IGHMBP2: variants seen among roughly 807,000 people sequenced by gnomAD.
IGHMBP2 encodes DNA-binding protein SMUBP-2.
IGHMBP2 carries 81 observed loss-of-function variants against 96.0 expected under a neutral mutation model. The ratio of observed to expected loss-of-function variants is 0.84; its 90% CI spans 0.71 to 1.01. The LOEUF is 1.01. Ranked by LOEUF, IGHMBP2 falls within the 50% of genes least tolerant of loss-of-function variation. IGHMBP2 has a pLI of 0.00. For missense variants in IGHMBP2, 1,227 were observed against 1,306.3 expected, an observed-to-expected ratio of 0.94 and a Z score of 0.94; for synonymous variants, 557 against 548.9, an observed-to-expected ratio of 1.01 and a Z score of -0.21.
chr11:68,939,576 A>T lies in IGHMBP2; in HGVS notation c.2827A>T (p.Arg943Ter), dbSNP rs1859672389. ...GAGGGCTCGCGCCCATGCCCGGCAGAGAATCAGCCGGGAAGGGGTCCTCTA... is the reference window on the plus strand; with the variant it reads ...GAGGGCTCGCGCCCATGCCCGGCAGTGAATCAGCCGGGAAGGGGTCCTCTA... Reference protein sequence around the residue: ...GERARAHARQRISREGVLYAG... With the variant: ...GERARAHARQ The change falls in exon 15 of 15, where the codon AGA becomes TGA. Residue 943 changes from arginine (R) to a stop codon, truncating the protein, a stop_gained. Coordinates refer to ENST00000255078, the MANE Select transcript of IGHMBP2 (RefSeq NM_002180.3). LOFTEE classifies it high-confidence loss of function. 2.5e-6 allele frequency: 4 copies of T among 1,612,928 alleles called. No individual in the cohort carries two copies. The South Asian group carries it at 4.4e-5, about 18-fold the overall frequency.
chr11:68,921,747 C>G (rs1334931434), intron 7 of IGHMBP2, among the ~76,000 whole-genome samples: 3 of 152,132 alleles, frequency 2.0e-5, no homozygotes, highest in African/African-American at 7.2e-5. Context: ...TCGTGTATTT[C>G]CACGTGGCAT....
In IGHMBP2 at chr11:68,937,784, C is replaced by A. The variant is rs1012430436; in HGVS notation, c.2612-398C>A. ...TTCCTGAAGCGAAGCTACACCAGCA[C>A]ATGGGTGGCTTTGAAAGGGGCCTCC... On this transcript the variant is annotated intron_variant, in intron 13 of 14. Transcript: ENST00000255078. The A allele has an allele frequency of 3.5e-5, 9 of 259,168 alleles. No individual in the cohort carries two copies. In the South Asian group the frequency reaches 4.3e-4, roughly 12 times the overall value. The allele number at this position is 259,168 out of a possible 1,614,324, so 16.1% of individuals were successfully genotyped here. A position where few individuals can be genotyped will look rare whatever the true frequency, so the allele number is the denominator to read the frequency against.
At position 68,903,975 on chromosome 11, in the gene IGHMBP2, G is replaced by A; in HGVS notation, c.23G>A (p.Ser8Asn). 1.3e-6 allele frequency: 2 copies of A among 1,556,664 alleles called. No homozygotes were observed. The highest frequency in any genetic ancestry group is 8.7e-7 in the Non-Finnish European group (1 of 1,150,338). MASAAVE[S>N]FVTKQLDLLE... is the part of the protein sequence containing the mutation. The stretch of plus-strand genomic sequence containing the variant: ...GCGATGGCCTCGGCAGCTGTGGAGA[G>A]CTTCGTGACCAAGCAACTGGACCTG... The change falls in exon 1 of 15, where the codon AGC (serine) becomes AAC (asparagine). Residue 8 changes from serine (S) to asparagine (N), a missense_variant. Around this residue, in one of 3 missense-constraint regions of IGHMBP2, gnomAD observed 507 missense variants for 496.9 expected, o/e 1.02. Coordinates refer to ENST00000255078, the MANE Select transcript of IGHMBP2 (RefSeq NM_002180.3).
chr11:68,936,231 T>C lies in IGHMBP2; in HGVS notation c.1757-6T>C, dbSNP rs1594455341. The C allele has an allele frequency of 3.7e-6, 6 of 1,613,786 alleles. No homozygotes were observed. The highest frequency in any genetic ancestry group is 5.1e-6 in the Non-Finnish European group (6 of 1,179,996). ...CTGCTTCTCACTCCCCTCTGGCCTT[T>C]TGTAGGTGAAGTTGGTTTTCTTGCT... On this transcript the variant is annotated splice_polypyrimidine_tract_variant and splice_region_variant and intron_variant, in intron 12 of 14. Coordinates refer to ENST00000255078, the MANE Select transcript of IGHMBP2 (RefSeq NM_002180.3).
intron 1 of IGHMBP2, 80 bp downstream of exon 1, chr11:68,904,118 A>G (rs1006001535): frequency 4.2e-5 from 51 of 1,206,090 alleles, no homozygotes; most frequent in Non-Finnish European, 1.4e-5. Context: ...GCTCGGCCTC[A>G]TAGTCTGGGG....
rs1013379197 is a variant in IGHMBP2 at position 68,939,450 on chromosome 11, C to G, written c.2785-84C>G. 7 of 1,454,996 alleles carry G rather than the reference C, an allele frequency of 4.8e-6. No homozygotes were observed. In the East Asian group the frequency reaches 1.6e-4, roughly 33 times the overall value. 90.1% of individuals were successfully genotyped at this position (1,454,996 alleles called of 1,614,324 possible). A position where few individuals can be genotyped will look rare whatever the true frequency, so the allele number is the denominator to read the frequency against. On this transcript the variant is annotated intron_variant, in intron 14 of 14. Coordinates refer to ENST00000255078, the MANE Select transcript of IGHMBP2 (RefSeq NM_002180.3). ...GCCTTCTCTGTTGGGGCGCCTGTGG[C>G]CCCCCAGCTCTTTGATAGGCAGAGC... is the stretch of plus-strand genomic sequence containing the variant.
chr11:68,915,100 C>T lies in IGHMBP2; in HGVS notation c.912+77C>T. ...CTTTTTAAGGAGCAAATTTATCTGT[C>T]TGCATTCCTCTTGACCTTCTCTTGC... On this transcript the variant is annotated intron_variant, in intron 6 of 14. Coordinates refer to ENST00000255078, the MANE Select transcript of IGHMBP2 (RefSeq NM_002180.3). 4 of 1,106,180 alleles carry T rather than the reference C, an allele frequency of 3.6e-6. No homozygotes were observed. In the South Asian group the frequency reaches 3.8e-5, roughly 10 times the overall value. The allele number at this position is 1,106,180 out of a possible 1,614,324, so 68.5% of individuals were successfully genotyped here.
intron 12 of IGHMBP2, 74 bp from the exon 13 acceptor site, chr11:68,936,163 T>A: frequency 1.3e-6 from 2 of 1,561,102 alleles, no homozygotes; most frequent in Non-Finnish European, 1.8e-6. Flanking sequence ...TGGTGGTTAC[T>A]GATAAGGGCG....
chr11:68,934,051 A>G (rs1454729320), intron 10 of IGHMBP2, 138 bp downstream of exon 10: 13 of 725,270 alleles, frequency 1.8e-5, no homozygotes, highest in South Asian at 1.1e-4. Context: ...GGAGCCCCAC[A>G]CTGCAAGAGG....
rs149133485 is a variant in IGHMBP2 at position 68,939,686 on chromosome 11, G to A, written c.2937G>A (p.Glu979=). The part of the protein sequence containing the change: ...LQRRLDKKLS[E]LSNQRTSRRK... ...GGAGGCTGGATAAGAAGCTGAGTGA[G>A]CTCAGCAACCAGAGGACCAGCCGGA... Residue 979 remains glutamate, a synonymous_variant, in exon 15 of 15, where the codon GAG becomes GAA. Coordinates refer to ENST00000255078, the MANE Select transcript of IGHMBP2 (RefSeq NM_002180.3). The A allele has an allele frequency of 6.2e-7, 1 of 1,612,598 alleles. No homozygotes were observed.
intron 7 of IGHMBP2, among the ~76,000 whole-genome samples, chr11:68,919,159 G>T (rs1858781503): frequency 6.6e-6 from 1 of 151,836 alleles, no homozygotes; most frequent in South Asian, 2.1e-4. Context: ...TCTTTCTGTT[G>T]TTGATCTCTC....
At position 68,903,967 on chromosome 11, in the gene IGHMBP2, T is replaced by A. The variant is rs1318640024; in HGVS notation, c.15T>A (p.Ala5=). The change falls in exon 1 of 15, where the codon GCT becomes GCA. Residue 5 remains alanine, a synonymous_variant. Coordinates refer to ENST00000255078, the MANE Select transcript of IGHMBP2 (RefSeq NM_002180.3). MASA[A]VESFVTKQLD... ...CGGCGGCGGCGATGGCCTCGGCAGC[T>A]GTGGAGAGCTTCGTGACCAAGCAAC... 2 of 1,559,628 alleles carry A rather than the reference T, an allele frequency of 1.3e-6. No individual in the cohort carries two copies. The highest frequency in any genetic ancestry group is 4.8e-5 in the East Asian group (2 of 41,502).
Position 68,938,297 on chromosome 11 carries a change from G to A in IGHMBP2, c.2727G>A (p.Leu909=), listed in dbSNP as rs1310403239. 1.9e-6 allele frequency: 3 copies of A among 1,613,056 alleles called. No individual in the cohort carries two copies. Among genetic ancestry groups the A allele is most frequent in the South Asian group, 1.1e-5 (1 of 91,052 alleles). Residue 909 remains leucine, a synonymous_variant, in exon 14 of 15, where the codon CTG becomes CTA. Transcript: ENST00000255078. ...AGTGCACAGCCGGCGTCACAACCCT[G>A]GGCCAGTTCTGCCAGCTCTGCAGCC... ...FAKCTAGVTT[L]GQFCQLCSRR... is the part of the protein sequence containing the mutation.
rs138625249 is a variant in IGHMBP2 at position 68,910,700 on chromosome 11, G to A, written c.548-740G>A. 2.3e-3 allele frequency among the ~76,000 whole-genome samples: 349 copies of A among 152,206 alleles called. 1 individual carries two copies. Among genetic ancestry groups the A allele is most frequent in the African/African-American group, 7.3e-3 (303 of 41,544 alleles). On this transcript the variant is annotated intron_variant, in intron 4 of 14. Coordinates refer to ENST00000255078, the MANE Select transcript of IGHMBP2 (RefSeq NM_002180.3). Reference sequence around the variant, plus strand: ...AGATCAAGACCATCCTGGCCAACACGGTGAATCCCCGTCTCTACTAACAAC... The same window carrying A: ...AGATCAAGACCATCCTGGCCAACACAGTGAATCCCCGTCTCTACTAACAAC...
intron 4 of IGHMBP2, among the ~76,000 whole-genome samples, 176 bp from the exon 5 acceptor site, chr11:68,911,264 G>A (rs11228405): frequency 6.6e-6 from 1 of 152,172 alleles, no homozygotes; most frequent in Non-Finnish European, 1.5e-5. Flanking sequence ...CCTGTTCAAG[G>A]AGAAACCTTG....
intron 4 of IGHMBP2, among the ~76,000 whole-genome samples, chr11:68,910,841 C>T (rs1488712084): frequency 2.7e-5 from 4 of 148,700 alleles, no homozygotes; most frequent in Non-Finnish European, 5.9e-5. Flanking sequence ...TGAGATCATG[C>T]CATTGCACTC....
intron 8 of IGHMBP2, chr11:68,929,943 G>C: frequency 9.2e-7 from 1 of 1,092,120 alleles, no homozygotes; most frequent in East Asian, 8.3e-5. Flanking sequence ...GGCCCAGGCT[G>C]TCTTGGTGGA....
At chr11:68,907,779 T>C (rs1432850070) in intron 2 of IGHMBP2, among the ~76,000 whole-genome samples, 1 of 152,012 alleles carries the variant, frequency 6.6e-6, no homozygotes, top group Admixed American at 6.6e-5. Flanking sequence ...CGGAGTGCAG[T>C]GGTGCAATCT....
chr11:68,914,415 G>T (rs1436224988), intron 5 of IGHMBP2, among the ~76,000 whole-genome samples: 1 of 152,224 alleles, frequency 6.6e-6, no homozygotes, highest in East Asian at 1.9e-4. Flanking sequence ...TGGGGGAGTG[G>T]CTCGCTTCTT....
Sources: allele counts gnomAD v4.1 joint callset (sites outside exome capture counted in the v4.1 genomes callset), GRCh38; gene constraint gnomAD v4.1.1; regional missense constraint gnomAD v4.1.1; transcripts MANE v1.5; gene names NCBI Gene and HGNC (gene_info 2026-07-23, HGNC 2026-07-21).